EPHA6: variants seen among roughly 807,000 people sequenced by gnomAD.
EPHA6 encodes ephrin type-A receptor 6.
A neutral mutation model predicts 112.0 loss-of-function variants in EPHA6; 50 were observed. The observed-to-expected ratio is 0.45, with a 90% CI of 0.36 to 0.56. The LOEUF (loss-of-function observed/expected upper bound fraction) is 0.56, where lower values mean the gene tolerates loss of function less well. Among genes scored for constraint, EPHA6 ranks in the 20% least tolerant of loss-of-function variants. The probability of loss-of-function intolerance (pLI) is 0.00; values close to 1 mark genes in which losing one functional copy is unlikely to be tolerated. For synonymous variants in EPHA6, 529 were observed against 490.7 expected, an observed-to-expected ratio of 1.08 and a Z score of -1.03; for missense variants, 1,280 against 1,417.4, an observed-to-expected ratio of 0.90 and a Z score of 1.56.
intron 15 of EPHA6, among the ~76,000 whole-genome samples, chr3:97,731,219 A>T (rs1388080608): frequency 6.6e-6 from 1 of 152,104 alleles, no homozygotes; most frequent in Non-Finnish European, 1.5e-5. Flanking sequence ...AGAGGCCCAG[A>T]TGACTCCCTG....
At chr3:97,244,352 A>C in intron 5 of EPHA6, 65 bp downstream of exon 5, 5 of 1,340,700 alleles carry the variant, frequency 3.7e-6, no homozygotes, top group Non-Finnish European at 5.3e-6. Context: ...AATATCCCTC[A>C]TGGGCATGTA....
At chr3:97,455,477 T>C (rs1281558139) in intron 7 of EPHA6, among the ~76,000 whole-genome samples, 1 of 152,062 alleles carries the variant, frequency 6.6e-6, no homozygotes, top group Non-Finnish European at 1.5e-5. Context: ...TGAGTTCCCT[T>C]TCTACCCATT....
chr3:96,918,237 A>G (rs1205496078), intron 2 of EPHA6, among the ~76,000 whole-genome samples: 1 of 152,156 alleles, frequency 6.6e-6, no homozygotes, highest in Non-Finnish European at 1.5e-5. Context: ...AGATTGAAGT[A>G]AATTTTTGAA....
chr3:97,078,262 T>G (rs1289406871), intron 3 of EPHA6, among the ~76,000 whole-genome samples: 4 of 152,196 alleles, frequency 2.6e-5, no homozygotes, highest in Non-Finnish European at 5.9e-5. Flanking sequence ...TCTTGTAAAT[T>G]TGTTTAAGTT....
intron 10 of EPHA6, among the ~76,000 whole-genome samples, chr3:97,529,208 G>A (rs763596872): frequency 6.6e-6 from 1 of 152,102 alleles, no homozygotes; most frequent in Non-Finnish European, 1.5e-5. Flanking sequence ...AAACCAGACA[G>A]CCTAGGTTCA....
chr3:97,040,631 T>C (rs191414093), intron 3 of EPHA6, among the ~76,000 whole-genome samples: 338 of 152,160 alleles, frequency 2.2e-3, no homozygotes, highest in Middle Eastern at 0.014. Context: ...GATTTTAACA[T>C]AGCTATAATG....
chr3:96,845,689 A>C (rs1235682511), intron 1 of EPHA6, among the ~76,000 whole-genome samples: 1 of 152,014 alleles, frequency 6.6e-6, no homozygotes, highest in Admixed American at 6.6e-5. Context: ...TTGATTGCTG[A>C]AAGAGGGGAA....
At position 96,987,859 on chromosome 3, in the gene EPHA6, G is replaced by A; in HGVS notation, c.980G>A (p.Arg327Gln). Residue 327 changes from arginine to glutamine, a missense_variant, in exon 3 of 18, where the codon CGG becomes CAG. Coordinates refer to ENST00000389672, the MANE Select transcript of EPHA6 (RefSeq NM_001080448.3). The stretch of plus-strand genomic sequence containing the variant: ...GATTCCTCCTCTTTGGTTGAAGTAC[G>A]GGGTTCTTGTGTGAAGAGTGCTGAA... The part of the protein sequence containing the change: ...RVDSSSLVEV[R>Q]GSCVKSAEER... 6.2e-7 allele frequency: 1 copy of A among 1,613,824 alleles called. No individual in the cohort carries two copies. The highest frequency in any genetic ancestry group is 8.5e-7 in the Non-Finnish European group (1 of 1,179,840).
chr3:97,221,258 C>A (rs2078186515), intron 3 of EPHA6, among the ~76,000 whole-genome samples: 2 of 133,524 alleles, frequency 1.5e-5, no homozygotes, highest in South Asian at 2.4e-4. Context: ...TGTGGTGAGC[C>A]GAGATCCTGC....
At position 97,337,365 on chromosome 3, in the gene EPHA6, A is replaced by G. The variant is rs187045537; in HGVS notation, c.1607-67785A>G. ...TTTTCATTAGTCCCACGCACTCATT[A>G]TTTTGTGGAGTGCTAAACTTTAATT... On this transcript the variant is annotated intron_variant, in intron 5 of 17. Coordinates refer to ENST00000389672, the MANE Select transcript of EPHA6 (RefSeq NM_001080448.3). 2.0e-5 allele frequency among the ~76,000 whole-genome samples: 3 copies of G among 152,228 alleles called. No individual in the cohort carries two copies. In the East Asian group the frequency reaches 5.8e-4, roughly 29 times the overall value.
chr3:97,466,553 A>T (rs1216743390), intron 7 of EPHA6: 1 of 755,240 alleles, frequency 1.3e-6, no homozygotes, highest in Non-Finnish European at 2.4e-6. Context: ...GTCTTCAGTG[A>T]TGTCTCAGTC....
chr3:97,493,202 GTA>G (rs1193146988), intron 10 of EPHA6, among the ~76,000 whole-genome samples: 12 of 152,082 alleles, frequency 7.9e-5, no homozygotes, highest in South Asian at 2.1e-4. Flanking sequence ...GTTTGTGTTT[GTA>G]TGTGTGTGTG....
At chr3:97,139,637 G>A (rs779650935) in intron 3 of EPHA6, among the ~76,000 whole-genome samples, 14 of 152,080 alleles carry the variant, frequency 9.2e-5, no homozygotes, top group Non-Finnish European at 1.9e-4. Flanking sequence ...CAAAGCCAAA[G>A]GACCCTACCC....
intron 3 of EPHA6, among the ~76,000 whole-genome samples, chr3:97,168,399 G>A (rs1341066823): frequency 6.6e-6 from 1 of 152,054 alleles, no homozygotes; most frequent in Non-Finnish European, 1.5e-5. Flanking sequence ...GTGGTTTCTA[G>A]TGCTGGAGGA....
In EPHA6 at chr3:97,748,593, TAGA is replaced by T. The variant is rs2035811774; in HGVS notation, c.3290_3292del (p.Arg1097del). ...GCTCTCTCCTTTCTTTCAGTGACATTAGAAGAATTGGAGTCATACTTATTGGAC... is the reference window on the plus strand; with the variant it reads ...GCTCTCTCCTTTCTTTCAGTGACATTAGAATTGGAGTCATACTTATTGGAC... On this transcript the variant is annotated inframe_deletion, in exon 18 of 18. Transcript: ENST00000389672. 6.3e-7 allele frequency: 1 copy of T among 1,580,718 alleles called. No homozygotes were observed. The highest frequency in any genetic ancestry group is 8.7e-7 in the Non-Finnish European group (1 of 1,150,700).
intron 5 of EPHA6, among the ~76,000 whole-genome samples, chr3:97,267,148 C>A (rs1340776946): frequency 6.6e-6 from 1 of 152,112 alleles, no homozygotes; most frequent in Non-Finnish European, 1.5e-5. Context: ...GATTTCTACA[C>A]CTGTGAACAT....
At chr3:97,089,111 G>A (rs571014867) in intron 3 of EPHA6, among the ~76,000 whole-genome samples, 3 of 152,112 alleles carry the variant, frequency 2.0e-5, no homozygotes, top group East Asian at 3.9e-4. Flanking sequence ...GTGGCAGAGT[G>A]GTCACTCAGG....
intron 3 of EPHA6, among the ~76,000 whole-genome samples, chr3:97,213,375 C>T (rs955320359): frequency 6.6e-6 from 1 of 152,168 alleles, no homozygotes; most frequent in Non-Finnish European, 1.5e-5. Flanking sequence ...TTAAGAATTT[C>T]GGCTCCTGTG....
intron 16 of EPHA6, among the ~76,000 whole-genome samples, chr3:97,741,738 T>G (rs1016997022): frequency 2.5e-4 from 38 of 152,118 alleles, no homozygotes; most frequent in African/African-American, 8.9e-4. Flanking sequence ...AGTACAACAC[T>G]GCTTCAAAAA....
Sources: gnomAD v4.1 joint callset for allele counts (sites outside exome capture counted in the v4.1 genomes callset) on GRCh38, gnomAD v4.1.1 for gene constraint, MANE v1.5 for transcripts, NCBI Gene and HGNC (gene_info 2026-07-23, HGNC 2026-07-21) for gene names.